Variants in MACROD2 observed in about 807,000 individuals in gnomAD.
MACROD2 encodes mono-ADP ribosylhydrolase 2, also known as ADP-ribose glycohydrolase MACROD2.
In MACROD2, 36 loss-of-function variants were observed where a neutral mutation model predicts 70.4. The observed-to-expected ratio is 0.51, with a 90% CI of 0.39 to 0.68. The LOEUF (loss-of-function observed/expected upper bound fraction) is 0.68, where lower values mean the gene tolerates loss of function less well. MACROD2 is among the 30% of genes least tolerant of loss of function. MACROD2 has a pLI of 0.00. For synonymous variants in MACROD2, 172 were observed against 178.8 expected (o/e 0.96, Z 0.30); for missense variants, 496 against 538.4 (o/e 0.92, Z 0.78).
At chr20:15,760,326 C>T (rs2051417412) in intron 8 of MACROD2, among the ~76,000 whole-genome samples, 1 of 152,304 alleles carries the variant, frequency 6.6e-6, no homozygotes, top group Middle Eastern at 3.4e-3. Flanking sequence ...CTCAAGAGAG[C>T]CAGGTGGGCT....
At chr20:15,600,434 T>C (rs1393414290) in intron 8 of MACROD2, among the ~76,000 whole-genome samples, 1 of 152,242 alleles carries the variant, frequency 6.6e-6, no homozygotes, top group African/African-American at 2.4e-5. Context: ...CGTTTTCTTA[T>C]GATCTTCATC....
At chr20:14,233,661 C>T (rs1355194404) in intron 3 of MACROD2, among the ~76,000 whole-genome samples, 9 of 131,740 alleles carry the variant, frequency 6.8e-5, no homozygotes, top group African/African-American at 2.6e-4. Flanking sequence ...TGTGCCACTG[C>T]ACTCCCGCCT....
At chr20:15,137,216 C>T (rs2076155591) in intron 5 of MACROD2, among the ~76,000 whole-genome samples, 1 of 151,336 alleles carries the variant, frequency 6.6e-6, no homozygotes. Context: ...TGGGTATATA[C>T]CCAAAGGACT....
In MACROD2 at chr20:15,217,511, GATA is replaced by G. The variant is rs550903504; in HGVS notation, c.419-12423_419-12421del. Among the ~76,000 whole-genome samples, 416 of 152,270 alleles carry G rather than the reference GATA, an allele frequency of 2.7e-3. 3 individuals are homozygous for G. The highest frequency in any genetic ancestry group is 8.6e-3 in the African/African-American group (358 of 41,552). On this transcript the variant is annotated intron_variant, in intron 5 of 17. Transcript: ENST00000684519. ...GCTCTCTCCTGATATCATGCTGTCT[GATA>G]ATAATTACACATTCTATTGATCTTT...
chr20:15,906,813 A>G (rs2065154306), intron 10 of MACROD2, among the ~76,000 whole-genome samples: 1 of 152,228 alleles, frequency 6.6e-6, no homozygotes, highest in Non-Finnish European at 1.5e-5. Flanking sequence ...TTGAAGAACT[A>G]TCACAGAAGT....
chr20:15,367,879 C>T (rs1218706703), intron 6 of MACROD2, among the ~76,000 whole-genome samples: 1 of 151,896 alleles, frequency 6.6e-6, no homozygotes, highest in East Asian at 1.9e-4. Flanking sequence ...AAGATAAATA[C>T]CTTTTTAAAC....
chr20:14,230,229 C>A (rs1005178970), intron 3 of MACROD2, among the ~76,000 whole-genome samples: 1 of 152,066 alleles, frequency 6.6e-6, no homozygotes, highest in East Asian at 1.9e-4. Context: ...CTTTCAATTT[C>A]TCTGTAGCAC....
At chr20:15,901,167 C>G (rs1472165849) in intron 10 of MACROD2, among the ~76,000 whole-genome samples, 1 of 152,144 alleles carries the variant, frequency 6.6e-6, no homozygotes, top group Non-Finnish European at 1.5e-5. Context: ...TCACTCAGCA[C>G]ACTCTGCATG....
chr20:14,584,549 T>A (rs1295048041), intron 4 of MACROD2, among the ~76,000 whole-genome samples: 1 of 152,128 alleles, frequency 6.6e-6, no homozygotes, highest in East Asian at 1.9e-4. Flanking sequence ...ATTCTTCTTC[T>A]TCTTATAAAG....
In MACROD2 at chr20:14,924,268, G is replaced by A. The variant is rs1417239707; in HGVS notation, c.418+239309G>A. Among the ~76,000 whole-genome samples the A allele has an allele frequency of 2.0e-5, 3 of 151,694 alleles. No individual in the cohort carries two copies. The East Asian group carries it at 5.8e-4, about 29-fold the overall frequency. On this transcript the variant is annotated intron_variant, in intron 5 of 17. Transcript: ENST00000684519. Reference sequence around the variant, plus strand: ...TTGAGGCCAAGCCTGGCCAAACATTGTCTCTACTAAAAATACAGAAATTAG... The same window carrying A: ...TTGAGGCCAAGCCTGGCCAAACATTATCTCTACTAAAAATACAGAAATTAG...
intron 3 of MACROD2, among the ~76,000 whole-genome samples, chr20:14,311,436 G>A (rs2122518738): frequency 6.6e-6 from 1 of 152,200 alleles, no homozygotes; most frequent in Admixed American, 6.5e-5. Flanking sequence ...GCACTCTCTG[G>A]TGTTTACACA....
At chr20:15,410,540 T>C (rs1250293437) in intron 6 of MACROD2, among the ~76,000 whole-genome samples, 1 of 152,212 alleles carries the variant, frequency 6.6e-6, no homozygotes, top group Non-Finnish European at 1.5e-5. Flanking sequence ...TTGGCAAATA[T>C]TGTTAGCCTC....
chr20:14,659,662 C>T (rs1036436653), intron 4 of MACROD2, among the ~76,000 whole-genome samples: 6 of 152,074 alleles, frequency 3.9e-5, no homozygotes, highest in East Asian at 1.9e-4. Flanking sequence ...TGGGAAAAAG[C>T]GCCTGGTGAA....
At chr20:15,698,158 G>A (rs2050403607) in intron 8 of MACROD2, among the ~76,000 whole-genome samples, 1 of 152,062 alleles carries the variant, frequency 6.6e-6, no homozygotes, top group South Asian at 2.1e-4. Flanking sequence ...TTGTATTTTT[G>A]TTTTATAGGT....
At chr20:15,214,898 A>G (rs1464581195) in intron 5 of MACROD2, among the ~76,000 whole-genome samples, 2 of 152,172 alleles carry the variant, frequency 1.3e-5, no homozygotes, top group African/African-American at 4.8e-5. Context: ...CAGCTGCCTA[A>G]TGTGTTTCTG....
At chr20:15,458,306 C>T (rs546936173) in intron 7 of MACROD2, among the ~76,000 whole-genome samples, 1 of 152,096 alleles carries the variant, frequency 6.6e-6, no homozygotes, top group Non-Finnish European at 1.5e-5. Context: ...CCACCTTTTT[C>T]TCCATAGGAA....
intron 5 of MACROD2, among the ~76,000 whole-genome samples, chr20:15,225,100 C>G (rs1284108849): frequency 6.6e-6 from 1 of 151,858 alleles, no homozygotes; most frequent in East Asian, 1.9e-4. Context: ...AAAATGCCCT[C>G]TTGTTCATCA....
At chr20:14,312,911 T>G (rs1159108820) in intron 3 of MACROD2, among the ~76,000 whole-genome samples, 2 of 152,242 alleles carry the variant, frequency 1.3e-5, no homozygotes, top group East Asian at 3.8e-4. Flanking sequence ...CAGAGTGGCA[T>G]GTTTGAAAAC....
intron 7 of MACROD2, among the ~76,000 whole-genome samples, chr20:15,470,154 A>G (rs1365746610): frequency 6.6e-6 from 1 of 152,108 alleles, no homozygotes; most frequent in Non-Finnish European, 1.5e-5. Context: ...GGTTCAAGCA[A>G]TTCTCCTGCC....
Sources: allele counts gnomAD v4.1 joint callset (sites outside exome capture counted in the v4.1 genomes callset), GRCh38; gene constraint gnomAD v4.1.1; transcripts MANE v1.5; gene names NCBI Gene and HGNC (gene_info 2026-07-23, HGNC 2026-07-21).